Variants in DMD observed in about 807,000 individuals in gnomAD.
DMD encodes dystrophin.
DMD carries 63 observed loss-of-function variants against 330.1 expected under a neutral mutation model. The ratio of observed to expected loss-of-function variants is 0.19; its 90% confidence interval spans 0.16 to 0.24. The LOEUF (loss-of-function observed/expected upper bound fraction) is 0.24. DMD is among the 10% of genes least tolerant of loss of function. The pLI is 1.00. For missense variants in DMD, 3,344 were observed against 2,684.1 expected, an observed-to-expected ratio of 1.25 and a Z score of -5.43; for synonymous variants, 1,223 against 959.8, an observed-to-expected ratio of 1.27 and a Z score of -5.07.
chrX:31,327,575 CTTCA>C (rs928476768), intron 61 of DMD, among the ~76,000 whole-genome samples: 1 of 111,718 alleles, frequency 9.0e-6, no homozygotes, highest in African/African-American at 3.3e-5. Context: ...ACACAAATAC[CTTCA>C]TTCATCTCTC....
intron 55 of DMD, among the ~76,000 whole-genome samples, chrX:31,536,813 C>T (rs1325834042): frequency 1.8e-5 from 2 of 111,107 alleles, no homozygotes; most frequent in Admixed American, 1.9e-4. Context: ...AGTACCTGTG[C>T]TATTGATTAT....
intron 29 of DMD, among the ~76,000 whole-genome samples, chrX:32,425,795 T>C (rs1310212667): frequency 9.0e-6 from 1 of 111,359 alleles, no homozygotes; most frequent in Non-Finnish European, 1.9e-5. Context: ...AACAGTCACA[T>C]AGACCAATGA....
intron 43 of DMD, among the ~76,000 whole-genome samples, chrX:32,237,295 G>A (rs1321100816): frequency 9.0e-6 from 1 of 111,039 alleles, no homozygotes; most frequent in Non-Finnish European, 1.9e-5. Context: ...TGTCATACAT[G>A]TCATATATTA....
At chrX:31,784,268 T>C (rs1259615550) in intron 50 of DMD, among the ~76,000 whole-genome samples, 1 of 111,176 alleles carries the variant, frequency 9.0e-6, no homozygotes, top group African/African-American at 3.3e-5. Flanking sequence ...ATCGGGGAAA[T>C]GCAAATGAAG....
chrX:31,480,067 A>C (rs1311222037), intron 57 of DMD, among the ~76,000 whole-genome samples: 1 of 112,327 alleles, frequency 8.9e-6, no homozygotes. Context: ...ACTGTTTAAC[A>C]ATAACAGTAA....
intron 1 of DMD, among the ~76,000 whole-genome samples, chrX:33,106,290 G>A (rs2095287026): frequency 9.1e-6 from 1 of 110,392 alleles, no homozygotes; most frequent in African/African-American, 3.3e-5. Flanking sequence ...AAGTGGAGGG[G>A]GTGGGAATGA....
At chrX:31,129,977 G>T (rs1313542244) in intron 77 of DMD, among the ~76,000 whole-genome samples, 1 of 111,750 alleles carries the variant, frequency 8.9e-6, no homozygotes, top group Non-Finnish European at 1.9e-5. Flanking sequence ...AGGATGGCAT[G>T]GGCTGGTGGA....
intron 2 of DMD, among the ~76,000 whole-genome samples, chrX:32,957,670 A>C: frequency 8.9e-6 from 1 of 111,935 alleles, no homozygotes; most frequent in African/African-American, 3.2e-5. Flanking sequence ...TAGGGATAGG[A>C]AAGGAAAAAA....
chrX:32,404,968 A>G (rs1487210214), intron 30 of DMD, among the ~76,000 whole-genome samples: 1 of 111,820 alleles, frequency 8.9e-6, no homozygotes, highest in African/African-American at 3.2e-5. Context: ...AGAGGAAAAA[A>G]TCAAAATAGG....
At chrX:32,651,406 G>T (rs1024515578) in intron 9 of DMD, among the ~76,000 whole-genome samples, 1 of 111,918 alleles carries the variant, frequency 8.9e-6, no homozygotes, top group Non-Finnish European at 1.9e-5. Context: ...GCCTCCCAAA[G>T]TGCTGGGATT....
intron 44 of DMD, among the ~76,000 whole-genome samples, chrX:32,105,270 G>A (rs2096559253): frequency 9.0e-6 from 1 of 111,671 alleles, no homozygotes; most frequent in African/African-American, 3.2e-5. Flanking sequence ...AGATCTCAGT[G>A]CAGTACTTTT....
intron 54 of DMD, among the ~76,000 whole-genome samples, chrX:31,646,436 C>T (rs1396086663): frequency 9.0e-6 from 1 of 111,640 alleles, no homozygotes; most frequent in African/African-American, 3.3e-5. Flanking sequence ...AAAAGTTCCC[C>T]AAGTCCCATC....
At chrX:32,943,548 A>C (rs952442682) in intron 2 of DMD, among the ~76,000 whole-genome samples, 1 of 111,027 alleles carries the variant, frequency 9.0e-6, no homozygotes, top group South Asian at 3.7e-4. Context: ...GAGATATATC[A>C]TTTTTTAGTA....
At chrX:31,170,869 C>T in intron 73 of DMD, among the ~76,000 whole-genome samples, 1 of 111,781 alleles carries the variant, frequency 8.9e-6, no homozygotes, top group Non-Finnish European at 1.9e-5. Flanking sequence ...CCTAATTTAT[C>T]ACACTCATTC....
At position 31,136,898 on chromosome X, in the gene DMD, A is replaced by AT. The variant is rs771983125; in HGVS notation, c.10922-2705dup. On this transcript the variant is annotated intron_variant, in intron 76 of 78. Coordinates refer to ENST00000357033, the MANE Select transcript of DMD (RefSeq NM_004006.3). ...CAGTGATAATTGTATCCATTCAGAC[A>AT]TTTTTTTGAGTGCCTATTACATTCT... Among the ~76,000 whole-genome samples, 12 of 112,474 alleles carry AT rather than the reference A, an allele frequency of 1.1e-4. No homozygotes were observed. In the East Asian group the frequency reaches 2.5e-3, roughly 23 times the overall value.
intron 51 of DMD, among the ~76,000 whole-genome samples, chrX:31,746,110 C>A (rs1003557880): frequency 8.9e-6 from 1 of 112,129 alleles, no homozygotes; most frequent in African/African-American, 3.2e-5. Context: ...TGCATTCAAC[C>A]TTTTCACGTT....
intron 1 of DMD, chrX:33,041,532 A>T: frequency 8.3e-7 from 1 of 1,207,355 alleles, no homozygotes; most frequent in South Asian, 1.8e-5. Context: ...AAGATGGTGA[A>T]AATTATGACA....
At chrX:31,775,199 A>G (rs2090582942) in intron 50 of DMD, among the ~76,000 whole-genome samples, 2 of 111,560 alleles carry the variant, frequency 1.8e-5, no homozygotes, top group South Asian at 7.6e-4. Flanking sequence ...CAATACACGT[A>G]TGACAATGCC....
At chrX:32,811,479 G>T (rs762276897) in intron 6 of DMD, among the ~76,000 whole-genome samples, 1 of 111,755 alleles carries the variant, frequency 8.9e-6, no homozygotes, top group African/African-American at 3.3e-5. Flanking sequence ...ATTTCTCTGT[G>T]TATCTTTCTC....
Sources: allele counts gnomAD v4.1 joint callset (sites outside exome capture counted in the v4.1 genomes callset), GRCh38; gene constraint gnomAD v4.1.1; transcripts MANE v1.5; gene names NCBI Gene and HGNC (gene_info 2026-07-23, HGNC 2026-07-21).